The following BRD10 variants were observed in gnomAD, a reference collection of about 807,000 sequenced individuals.
The protein encoded by BRD10 is uncharacterized bromodomain-containing protein 10.
chr9:5,960,564 A>G, the BRD10 span, among the ~76,000 whole-genome samples: 3 of 22,534 alleles, frequency 1.3e-4, no homozygotes, highest in Non-Finnish European at 2.7e-4. Context: ...CTCTGTCTCA[A>G]AAAAAAAAAA....
chr9:5,945,600 T>C, the BRD10 span, among the ~76,000 whole-genome samples: 2 of 152,092 alleles, frequency 1.3e-5, no homozygotes, highest in African/African-American at 4.8e-5. Flanking sequence ...CTGGTAACAT[T>C]GGCAAATGGC....
chr9:6,001,209 T>C, the BRD10 span, among the ~76,000 whole-genome samples: 2 of 152,338 alleles, frequency 1.3e-5, no homozygotes, highest in South Asian at 2.1e-4. Context: ...CTGTTTATTA[T>C]CTCTTGATGG....
At chr9:5,943,865 G>C in the BRD10 span, among the ~76,000 whole-genome samples, 8 of 152,094 alleles carry the variant, frequency 5.3e-5, no homozygotes, top group African/African-American at 1.9e-4. Flanking sequence ...TGTCACACAT[G>C]AGACTTCTGA....
the BRD10 span, among the ~76,000 whole-genome samples, chr9:5,997,309 T>C: frequency 1.3e-5 from 2 of 152,212 alleles, no homozygotes; most frequent in Admixed American, 1.3e-4. Context: ...CCCCACAAAC[T>C]AGTGATTTTT....
the BRD10 span, among the ~76,000 whole-genome samples, chr9:5,903,161 T>G: frequency 2.6e-5 from 4 of 152,250 alleles, no homozygotes; most frequent in Non-Finnish European, 5.9e-5. Flanking sequence ...TGATTTCTGC[T>G]TTAATTCTAT....
At chr9:5,900,788 G>T in the BRD10 span, among the ~76,000 whole-genome samples, 1 of 152,226 alleles carries the variant, frequency 6.6e-6, no homozygotes, top group South Asian at 2.1e-4. Flanking sequence ...GAAATGATTT[G>T]TAATAAACTG....
chr9:5,988,608 G>C, the BRD10 span: 15 of 1,201,842 alleles, frequency 1.2e-5, no homozygotes, highest in African/African-American at 1.5e-5. Flanking sequence ...AACCCCCTTA[G>C]CCAGCAACTT....
the BRD10 span, among the ~76,000 whole-genome samples, chr9:5,911,222 T>C: frequency 4.6e-5 from 7 of 152,326 alleles, no homozygotes; most frequent in African/African-American, 1.7e-4. Flanking sequence ...TTTTTGTATA[T>C]GGCAAAAGAT....
the BRD10 span, chr9:5,969,436 C>T: frequency 6.6e-7 from 1 of 1,524,684 alleles, no homozygotes; most frequent in Non-Finnish European, 8.8e-7. Context: ...GCTCCCGAAG[C>T]CTAAAGAAAT....
chr9:6,002,668 C>A, the BRD10 span, among the ~76,000 whole-genome samples: 8 of 151,348 alleles, frequency 5.3e-5, no homozygotes, highest in African/African-American at 9.7e-5. Context: ...AATTTTTGAG[C>A]CTTCATGAGG....
chr9:5,947,637 TAG>T, the BRD10 span, among the ~76,000 whole-genome samples: 8 of 152,056 alleles, frequency 5.3e-5, no homozygotes, highest in Admixed American at 1.3e-4. Context: ...ACCCAATATA[TAG>T]AGTCAAATTA....
At chr9:5,891,694 A>T in the BRD10 span, among the ~76,000 whole-genome samples, 24 of 152,222 alleles carry the variant, frequency 1.6e-4, no homozygotes, top group Non-Finnish European at 3.4e-4. Flanking sequence ...TTTGTTGTTC[A>T]TTTGTATGTG....
At chr9:5,986,418 G>C in the BRD10 span, among the ~76,000 whole-genome samples, 1 of 152,080 alleles carries the variant, frequency 6.6e-6, no homozygotes, top group Non-Finnish European at 1.5e-5. Context: ...ATTGTGAATA[G>C]TGCTGCAATG....
chr9:5,996,241 A>G, the BRD10 span, among the ~76,000 whole-genome samples: 2 of 152,204 alleles, frequency 1.3e-5, no homozygotes, highest in Non-Finnish European at 2.9e-5. Context: ...GCCATTATTC[A>G]TTTCTGCAAC....
chr9:5,984,057 A>G, the BRD10 span, among the ~76,000 whole-genome samples: 1 of 151,940 alleles, frequency 6.6e-6, no homozygotes, highest in Non-Finnish European at 1.5e-5. Context: ...TTTCAGTCAA[A>G]AAAAAACCTC....
the BRD10 span, among the ~76,000 whole-genome samples, chr9:5,931,183 G>T: frequency 6.6e-6 from 1 of 152,194 alleles, no homozygotes; most frequent in Admixed American, 6.5e-5. Flanking sequence ...TGGGCAGTAT[G>T]ACTGCTGCCT....
At chr9:5,970,857 GC>G in the BRD10 span, among the ~76,000 whole-genome samples, 1 of 151,914 alleles carries the variant, frequency 6.6e-6, no homozygotes, top group Non-Finnish European at 1.5e-5. Flanking sequence ...TTTGAGACCA[GC>G]CAGGCCAACG....
chr9:5,879,451 G>A, the BRD10 span, among the ~76,000 whole-genome samples: 9 of 151,954 alleles, frequency 5.9e-5, no homozygotes, highest in African/African-American at 1.5e-4. Flanking sequence ...CCACACAGCC[G>A]GCTGCTGGCA....
chr9:5,919,543 A>AAC, the BRD10 span: 35,725 of 394,448 alleles, frequency 0.091, 527 homozygotes, highest in Middle Eastern at 0.13. Context: ...GATACATTAA[A>AAC]ACACACACAC....
Sources: gnomAD v4.1 joint callset for allele counts (sites outside exome capture counted in the v4.1 genomes callset) on GRCh38, gnomAD v4.1.1 for gene constraint, MANE v1.5 for transcripts, NCBI Gene and HGNC (gene_info 2026-07-23, HGNC 2026-07-21) for gene names.